Variants in PPP1R1C observed in about 807,000 individuals in gnomAD.
PPP1R1C encodes the protein protein phosphatase 1 regulatory subunit 1C.
Under a neutral mutation model 17.4 loss-of-function variants are expected in PPP1R1C, and 15 were observed. That is an observed-to-expected ratio of 0.86 (90% confidence interval 0.58 to 1.33). The LOEUF is 1.33. Ranked by LOEUF, PPP1R1C falls within the 40% of genes most tolerant of loss-of-function variation. PPP1R1C has a pLI of 0.00. For synonymous variants in PPP1R1C, 35 were observed against 43.1 expected (o/e 0.81, Z 0.73); for missense variants, 143 against 130.0 (o/e 1.10, Z -0.48).
chr2:182,094,166 G>T (rs2125223132), intron 4 of PPP1R1C, among the ~76,000 whole-genome samples: 1 of 152,298 alleles, frequency 6.6e-6, no homozygotes, highest in Middle Eastern at 3.4e-3. Context: ...GGAGGAGCAA[G>T]TCACATCTTA....
intron 4 of PPP1R1C, among the ~76,000 whole-genome samples, chr2:182,108,009 T>C (rs1017774188): frequency 6.6e-6 from 1 of 152,088 alleles, no homozygotes; most frequent in African/African-American, 2.4e-5. Context: ...GTCTGTTTTC[T>C]ATGTCATAGT....
chr2:182,076,654 C>A (rs889713960), intron 4 of PPP1R1C, among the ~76,000 whole-genome samples: 1 of 151,972 alleles, frequency 6.6e-6, no homozygotes, highest in Non-Finnish European at 1.5e-5. Flanking sequence ...TGATGTAATT[C>A]CCTCTTTGTG....
At chr2:181,978,854 A>G (rs529831769) in intron 2 of PPP1R1C, among the ~76,000 whole-genome samples, 1 of 152,080 alleles carries the variant, frequency 6.6e-6, no homozygotes, top group Non-Finnish European at 1.5e-5. Flanking sequence ...TGTTTCTTCC[A>G]TTTTTGCAAA....
chr2:182,014,485 T>C (rs2125158124), intron 2 of PPP1R1C, among the ~76,000 whole-genome samples: 1 of 152,048 alleles, frequency 6.6e-6, no homozygotes, highest in African/African-American at 2.4e-5. Context: ...CTGCACTGGT[T>C]CAGACCCAAG....
chr2:182,080,700 G>A (rs1229392279), intron 4 of PPP1R1C, among the ~76,000 whole-genome samples: 2 of 149,780 alleles, frequency 1.3e-5, no homozygotes, highest in Non-Finnish European at 3.0e-5. Context: ...CTGACTCATT[G>A]CAGAAAAGGA....
At chr2:182,053,410 C>T (rs1687584271) in intron 2 of PPP1R1C, among the ~76,000 whole-genome samples, 3 of 152,106 alleles carry the variant, frequency 2.0e-5, no homozygotes, top group South Asian at 2.1e-4. Context: ...TGATCTTTTT[C>T]GATTGTCTGA....
chr2:182,059,900 G>A (rs1417320579), intron 2 of PPP1R1C, among the ~76,000 whole-genome samples: 1 of 151,984 alleles, frequency 6.6e-6, no homozygotes, highest in Non-Finnish European at 1.5e-5. Context: ...ATAGGTCCTG[G>A]GTTGGATTTT....
At chr2:181,982,732 A>G (rs376189758), upstream of PPP1R1C, among the ~76,000 whole-genome samples, 119 of 152,242 alleles carry the variant, frequency 7.8e-4, 2 homozygotes, top group African/African-American at 2.8e-3. Context: ...GGTAAGGTGA[A>G]CTGCGGCAGC....
chr2:181,983,274 T>C (rs1685225851), upstream of PPP1R1C, among the ~76,000 whole-genome samples: 1 of 152,164 alleles, frequency 6.6e-6, no homozygotes, highest in Non-Finnish European at 1.5e-5. Context: ...AACTGGGCTT[T>C]GCCATATATT....
downstream of PPP1R1C, among the ~76,000 whole-genome samples, chr2:182,121,797 C>T (rs532589617): frequency 2.7e-3 from 418 of 152,290 alleles, no homozygotes; most frequent in African/African-American, 9.7e-3. Context: ...CCCCCGTTCC[C>T]GGCCTACCCT....
At chr2:181,974,208 T>A (rs1199590934) in intron 1 of PPP1R1C, among the ~76,000 whole-genome samples, 2 of 152,146 alleles carry the variant, frequency 1.3e-5, no homozygotes, top group Non-Finnish European at 2.9e-5. Flanking sequence ...ATGTATTTGC[T>A]GTTTGTCCTC....
chr2:182,127,392 G>A (rs752182021), intron 5 of PPP1R1C, among the ~76,000 whole-genome samples: 18 of 151,968 alleles, frequency 1.2e-4, no homozygotes, highest in Non-Finnish European at 1.8e-4. Context: ...AAAATTATTT[G>A]GCAGCAAATA....
chr2:181,987,510 C>T (rs1383343023), intron 1 of PPP1R1C, among the ~76,000 whole-genome samples: 1 of 152,166 alleles, frequency 6.6e-6, no homozygotes, highest in Non-Finnish European at 1.5e-5. Context: ...TGTTATGAGG[C>T]TCCAAGCAAG....
At chr2:182,057,232 C>A (rs954208695) in intron 2 of PPP1R1C, among the ~76,000 whole-genome samples, 1 of 151,962 alleles carries the variant, frequency 6.6e-6, no homozygotes, top group African/African-American at 2.4e-5. Context: ...TTGCAGGTTG[C>A]CTGGGGAGAT....
At position 181,967,691 on chromosome 2, in the gene PPP1R1C, CCTTT is replaced by C. The variant is rs1157319899; in HGVS notation, n.112-7521_112-7518del. Among the ~76,000 whole-genome samples the C allele has an allele frequency of 2.0e-5, 3 of 151,356 alleles. No homozygotes were observed. Among genetic ancestry groups the C allele is most frequent in the African/African-American group, 2.4e-5 (1 of 41,168 alleles). The stretch of plus-strand genomic sequence containing the variant: ...TCTCTCTCTCTTTCCTTCCTTCCTT[CCTTT>C]CTTTCTCTTTCTTTCTTTCATTCTT... On this transcript the variant is annotated intron_variant and non_coding_transcript_variant, in intron 1 of 5. Coordinates refer to the PPP1R1C transcript ENST00000464264. The surrounding 1 kb of genome is among the most constrained non-coding windows in gnomAD (Gnocchi z 5.5).
chr2:182,047,105 A>G (rs1687371008), intron 2 of PPP1R1C, among the ~76,000 whole-genome samples: 1 of 152,204 alleles, frequency 6.6e-6, no homozygotes, highest in Non-Finnish European at 1.5e-5. Context: ...ATCATCATTC[A>G]AATTGTTAAC....
chr2:182,008,868 A>G (rs1559054452), intron 2 of PPP1R1C, among the ~76,000 whole-genome samples: 1 of 152,188 alleles, frequency 6.6e-6, no homozygotes, highest in Non-Finnish European at 1.5e-5. Flanking sequence ...ACTCCCACAA[A>G]TAAGCGGGAA....
upstream of PPP1R1C, among the ~76,000 whole-genome samples, chr2:181,982,770 A>C (rs1197769409): frequency 6.6e-6 from 1 of 152,182 alleles, no homozygotes; most frequent in Non-Finnish European, 1.5e-5. Context: ...GGAATCATGC[A>C]AAGTAGGGCA....
At position 182,027,679 on chromosome 2, in the gene PPP1R1C, G is replaced by T. The variant is rs1399130614; in HGVS notation, c.143-33763G>T. Among the ~76,000 whole-genome samples, 821 of 147,232 alleles carry T rather than the reference G, an allele frequency of 5.6e-3. 6 individuals are homozygous for T. The highest frequency in any genetic ancestry group is 0.02 in the African/African-American group (762 of 37,776). On this transcript the variant is annotated intron_variant, in intron 2 of 4. Coordinates refer to ENST00000682840, the MANE Select transcript of PPP1R1C (RefSeq NM_001080545.3). ...ATATTGGTCTAAAATTCTCTTTTTT[G>T]GTTGTGTCTCTGCCTGGCTTTGGTA...
Sources: allele counts gnomAD v4.1 joint callset (sites outside exome capture counted in the v4.1 genomes callset), GRCh38; gene constraint gnomAD v4.1.1; non-coding constraint Gnocchi (gnomAD v3.1); transcripts MANE v1.5; gene names NCBI Gene and HGNC (gene_info 2026-07-23, HGNC 2026-07-21).